The following FCN2 variants were observed in gnomAD, a reference collection of about 807,000 sequenced individuals.
The protein encoded by FCN2 is ficolin 2, also known as ficolin-2.
In FCN2, 31 loss-of-function variants were observed where a neutral mutation model predicts 32.5. That is an observed-to-expected ratio of 0.96 (90% CI 0.72 to 1.29). The LOEUF is 1.29. FCN2 is among the 50% of genes most tolerant of loss of function. The pLI is 0.00. For synonymous variants in FCN2, 181 were observed against 164.5 expected, an observed-to-expected ratio of 1.10 and a Z score of -0.77; for missense variants, 412 against 406.5, an observed-to-expected ratio of 1.01 and a Z score of -0.12.
chr9:134,871,994 C>T, the FCN2 span, among the ~76,000 whole-genome samples: 1 of 150,156 alleles, frequency 6.7e-6, no homozygotes, highest in Non-Finnish European at 1.5e-5. Context: ...TTCTCTGTCA[C>T]TATAGCTTAT....
chr9:134,872,266 TGTATCCGATCAGC>T, the FCN2 span, among the ~76,000 whole-genome samples: 31 of 152,154 alleles, frequency 2.0e-4, no homozygotes, highest in African/African-American at 6.8e-4. Flanking sequence ...ACCACAGCTG[TGTATCCGATCAGC>T]AGAGTCATAC....
At chr9:134,885,174 C>G in intron 4 of FCN2, 65 bp from the exon 5 acceptor site, 2 of 1,608,848 alleles carry the variant, frequency 1.2e-6, no homozygotes, top group South Asian at 2.2e-5. Flanking sequence ...CCAGGCCTCC[C>G]TCCTACTGCC....
chr9:134,866,488 T>C, the FCN2 span, among the ~76,000 whole-genome samples: 1 of 149,586 alleles, frequency 6.7e-6, no homozygotes, highest in Non-Finnish European at 1.5e-5. Flanking sequence ...AAAAATCAAT[T>C]CAAGATGGAT....
chr9:134,877,931 A>G (rs1312413739), upstream of FCN2, among the ~76,000 whole-genome samples: 1 of 152,146 alleles, frequency 6.6e-6, no homozygotes, highest in African/African-American at 2.4e-5. Context: ...AAGGAGATGA[A>G]CATTTGAGTC....
In FCN2 at chr9:134,882,617, G is replaced by A. The variant is rs1176126092; in HGVS notation, c.192G>A (p.Glu64=). Residue 64 remains glutamate (E), a synonymous_variant, in exon 2 of 8, where the codon GAG becomes GAA. Coordinates refer to ENST00000291744, the MANE Select transcript of FCN2 (RefSeq NM_004108.3). ...GLPGAPGPKG[E]AGTNGKRGER... is the part of the protein sequence containing the mutation. ...CTGGGGCCCCTGGGCCCAAGGGAGA[G>A]GCAGGCACCAATGGAAAGAGAGGTA... 8 of 1,613,496 alleles carry A rather than the reference G, an allele frequency of 5.0e-6. No individual in the cohort carries two copies. The highest frequency in any genetic ancestry group is 6.8e-6 in the Non-Finnish European group (8 of 1,179,618).
intron 1 of FCN2, among the ~76,000 whole-genome samples, chr9:134,881,574 C>T (rs905859076): frequency 3.3e-5 from 5 of 152,118 alleles, no homozygotes; most frequent in Non-Finnish European, 5.9e-5. Context: ...TCCGTCTACC[C>T]GGGGCTGGGA....
At chr9:134,877,413 T>C (rs1369259831), upstream of FCN2, among the ~76,000 whole-genome samples, 1 of 152,246 alleles carries the variant, frequency 6.6e-6, no homozygotes, top group Non-Finnish European at 1.5e-5. Flanking sequence ...TTTAGAAGAA[T>C]GTTATTTAGT....
chr9:134,884,328 G>C (rs925269792), intron 3 of FCN2, among the ~76,000 whole-genome samples: 1 of 152,160 alleles, frequency 6.6e-6, no homozygotes, highest in Non-Finnish European at 1.5e-5. Context: ...GTCATGGGTT[G>C]TGTCTAAACA....
intron 6 of FCN2, 122 bp from the exon 7 acceptor site, chr9:134,886,308 G>A (rs1189159074): frequency 8.5e-7 from 1 of 1,181,638 alleles, no homozygotes; most frequent in Non-Finnish European, 1.3e-6. Context: ...ATGCTGCGGT[G>A]CTCTCCGCCC....
chr9:134,869,098 A>C, the FCN2 span, among the ~76,000 whole-genome samples: 2 of 152,126 alleles, frequency 1.3e-5, no homozygotes, highest in African/African-American at 4.8e-5. Flanking sequence ...CTGCACTCAG[A>C]GCCACCTGAC....
In FCN2 at chr9:134,887,306, G is replaced by T. The variant is rs147553607; in HGVS notation, c.833G>T (p.Arg278Leu). The change falls in exon 8 of 8, where the codon CGC becomes CTC. Residue 278 changes from arginine (R) to leucine (L), a missense_variant. Physicochemically the swap from Arg to Leu is moderately radical, Grantham distance 102. Transcript: ENST00000291744. ...TGCCATGTGTCAAACCTGAATGGTC[G>T]CTACCTCAGGGGGACTCATGGCAGC... ...KNCHVSNLNG[R>L]YLRGTHGSFA... 2 of 1,614,172 alleles carry T rather than the reference G, an allele frequency of 1.2e-6. No homozygotes were observed. The highest frequency in any genetic ancestry group is 1.7e-6 in the Non-Finnish European group (2 of 1,180,030).
chr9:134,887,181 G>A lies in FCN2; in HGVS notation c.708G>A (p.Thr236=), dbSNP rs764017305. ...FVEGSAGDSL[T]FHNNQSFSTK... is the part of the protein sequence containing the mutation. Reference sequence around the variant, plus strand: ...CCTCCTGCACAGGAGATTCCCTGACGTTCCACAACAACCAGTCCTTCTCCA... The same window carrying A: ...CCTCCTGCACAGGAGATTCCCTGACATTCCACAACAACCAGTCCTTCTCCA... Residue 236 remains threonine (T), a synonymous_variant, in exon 8 of 8, where the codon ACG becomes ACA. Coordinates refer to ENST00000291744, the MANE Select transcript of FCN2 (RefSeq NM_004108.3). The A allele has an allele frequency of 4.3e-6, 7 of 1,613,966 alleles. No homozygotes were observed. The Admixed American group carries it at 5.0e-5, about 12-fold the overall frequency.
chr9:134,881,026 G>A, intron 1 of FCN2, 105 bp downstream of exon 1: 2 of 810,150 alleles, frequency 2.5e-6, no homozygotes, highest in Non-Finnish European at 4.2e-6. Context: ...CAGGCCGTGT[G>A]GAGCATCGTC....
At chr9:134,884,801 C>G in intron 4 of FCN2, 29 bp downstream of exon 4, 1 of 1,610,068 alleles carries the variant, frequency 6.2e-7, no homozygotes, top group Non-Finnish European at 8.5e-7. Flanking sequence ...ACTCCTCCCA[C>G]GGCTTGTGGC....
chr9:134,883,163 C>A, intron 2 of FCN2, 139 bp from the exon 3 acceptor site: 1 of 792,336 alleles, frequency 1.3e-6, no homozygotes, highest in Non-Finnish European at 2.2e-6. Context: ...GATGGGCAAG[C>A]CTGGGCGGGG....
the FCN2 span, among the ~76,000 whole-genome samples, chr9:134,873,392 C>A: frequency 6.6e-6 from 1 of 152,128 alleles, no homozygotes; most frequent in African/African-American, 2.4e-5. Flanking sequence ...GAGGCTGCTG[C>A]GTAACAACTC....
chr9:134,882,264 T>C (rs1198425991), intron 1 of FCN2, among the ~76,000 whole-genome samples: 3 of 152,182 alleles, frequency 2.0e-5, no homozygotes, highest in Non-Finnish European at 2.9e-5. Flanking sequence ...CAGGGTAGCC[T>C]CCAAGGCCAG....
the FCN2 span, among the ~76,000 whole-genome samples, chr9:134,873,601 G>C: frequency 6.6e-6 from 1 of 152,208 alleles, no homozygotes; most frequent in African/African-American, 2.4e-5. Context: ...GCCATGTACG[G>C]TTGATGGCCT....
chr9:134,885,128 T>G (rs1343489506), intron 4 of FCN2, 111 bp from the exon 5 acceptor site: 2 of 1,456,212 alleles, frequency 1.4e-6, no homozygotes, highest in East Asian at 4.6e-5. Flanking sequence ...AGTCCCGCTC[T>G]GTTCATACAG....
Sources: gnomAD v4.1 joint callset for allele counts (sites outside exome capture counted in the v4.1 genomes callset) on GRCh38, gnomAD v4.1.1 for gene constraint, MANE v1.5 for transcripts, NCBI Gene and HGNC (gene_info 2026-07-23, HGNC 2026-07-21) for gene names.